The following TNIP1 variants were observed in gnomAD, a reference collection of about 807,000 sequenced individuals.
TNIP1 encodes TNFAIP3-interacting protein 1.
In TNIP1, 22 loss-of-function variants were observed where a neutral mutation model predicts 86.6. The ratio of observed to expected loss-of-function variants is 0.25; its 90% CI spans 0.18 to 0.36. The LOEUF is 0.36. Ranked by LOEUF, TNIP1 falls within the 10% of genes least tolerant of loss-of-function variation. The probability of loss-of-function intolerance (pLI) is 1.00; values close to 1 mark genes in which losing one functional copy is unlikely to be tolerated. For missense variants in TNIP1, 709 were observed against 820.6 expected (o/e 0.86, Z 1.66); for synonymous variants, 294 against 313.0 (o/e 0.94, Z 0.64).
intron 1 of TNIP1, among the ~76,000 whole-genome samples, chr5:151,069,766 A>C (rs114061495): frequency 6.6e-6 from 1 of 152,194 alleles, no homozygotes; most frequent in Non-Finnish European, 1.5e-5. Flanking sequence ...AGAGAGGTCT[A>C]TTCTAGTGTC....
intron 12 of TNIP1, among the ~76,000 whole-genome samples, chr5:151,037,750 G>A (rs1281082030): frequency 6.6e-6 from 1 of 152,130 alleles, no homozygotes; most frequent in African/African-American, 2.4e-5. Flanking sequence ...CATCGCCCAT[G>A]GGCCTCCCTG....
intron 1 of TNIP1, among the ~76,000 whole-genome samples, chr5:151,066,217 G>A (rs911644904): frequency 6.6e-6 from 1 of 152,218 alleles, no homozygotes; most frequent in Non-Finnish European, 1.5e-5. Context: ...AGCTATTTTA[G>A]CCAAGACCTG....
intron 3 of TNIP1, among the ~76,000 whole-genome samples, 166 bp from the exon 4 acceptor site, chr5:151,062,378 GCCTGC>G (rs1761690424): frequency 1.3e-5 from 2 of 152,178 alleles, no homozygotes; most frequent in Non-Finnish European, 2.9e-5. Flanking sequence ...TGAGAAAATG[GCCTGC>G]CCTGGAGTGA....
intron 4 of TNIP1, among the ~76,000 whole-genome samples, chr5:151,061,748 G>T (rs1030521105): frequency 6.6e-6 from 1 of 152,208 alleles, no homozygotes. Flanking sequence ...CAAGTGCTGG[G>T]ATTATAGGCA....
rs576031137 is a variant in TNIP1, at chr5:151,035,084, G to A, written c.1522-17C>T. 2 of 1,612,178 alleles carry A rather than the reference G, an allele frequency of 1.2e-6. No individual in the cohort carries two copies. Among genetic ancestry groups the A allele is most frequent in the East Asian group, 2.2e-5 (1 of 44,886 alleles). On this transcript the variant is annotated splice_polypyrimidine_tract_variant and intron_variant, in intron 14 of 17. Coordinates refer to ENST00000521591, the MANE Select transcript of TNIP1 (RefSeq NM_006058.5). The stretch of plus-strand genomic sequence containing the variant: ...TGCTTTTAGCTGAGAGAAGAAGGGA[G>A]GGAGAAAAGACTGTCGGCACAGGTG...
chr5:151,069,600 T>A (rs556325108), intron 1 of TNIP1, among the ~76,000 whole-genome samples: 1 of 151,664 alleles, frequency 6.6e-6, no homozygotes, highest in Non-Finnish European at 1.5e-5. Context: ...GAGGGAAAAG[T>A]GTAAGCAAAT....
intron 1 of TNIP1, among the ~76,000 whole-genome samples, chr5:151,086,726 C>G (rs563896714): frequency 6.6e-6 from 1 of 152,368 alleles, no homozygotes; most frequent in African/African-American, 2.4e-5. Flanking sequence ...GCATACCTCC[C>G]TTTTCTTGAG....
chr5:151,071,041 G>A (rs111588808), intron 1 of TNIP1, among the ~76,000 whole-genome samples: 252 of 152,120 alleles, frequency 1.7e-3, no homozygotes, highest in Non-Finnish European at 2.4e-3. Flanking sequence ...TGGGGGGGGC[G>A]CAGTATATGT....
At chr5:151,065,998 T>C (rs911505764) in intron 1 of TNIP1, among the ~76,000 whole-genome samples, 7 of 152,192 alleles carry the variant, frequency 4.6e-5, no homozygotes, top group Non-Finnish European at 8.8e-5. Flanking sequence ...AAGCTCTCTG[T>C]CCATTCACTC....
chr5:151,039,642 T>C (rs1758163118), intron 11 of TNIP1, among the ~76,000 whole-genome samples: 1 of 152,110 alleles, frequency 6.6e-6, no homozygotes, highest in Non-Finnish European at 1.5e-5. Flanking sequence ...TTGTGTGTAA[T>C]CTGCTAGAAA....
intron 4 of TNIP1, 90 bp downstream of exon 4, chr5:151,062,037 T>C: frequency 8.0e-7 from 1 of 1,245,130 alleles, no homozygotes; most frequent in Non-Finnish European, 1.2e-6. Flanking sequence ...TTTCTTGACC[T>C]CAACCCTCTT....
intron 6 of TNIP1, among the ~76,000 whole-genome samples, chr5:151,055,183 A>G (rs980517600): frequency 6.6e-6 from 1 of 152,224 alleles, no homozygotes; most frequent in African/African-American, 2.4e-5. Context: ...TACAACAGAC[A>G]TGGTGCCTGC....
chr5:151,068,438 T>G (rs1185356846), intron 1 of TNIP1, among the ~76,000 whole-genome samples: 1 of 151,896 alleles, frequency 6.6e-6, no homozygotes, highest in Non-Finnish European at 1.5e-5. Flanking sequence ...GGGAGAGAGA[T>G]GCACCCAGAA....
chr5:151,055,078 G>A (rs1410059909), intron 6 of TNIP1, among the ~76,000 whole-genome samples: 3 of 152,198 alleles, frequency 2.0e-5, no homozygotes, highest in African/African-American at 4.8e-5. Flanking sequence ...AAGGTGCTAC[G>A]AGAGCTATGA....
At chr5:151,042,193 G>A (rs944917189) in intron 11 of TNIP1, among the ~76,000 whole-genome samples, 3 of 151,952 alleles carry the variant, frequency 2.0e-5, no homozygotes, top group African/African-American at 7.3e-5. Context: ...CACCCGTCTC[G>A]GCCTCCCCAG....
chr5:151,031,345 T>C (rs896745065), intron 17 of TNIP1, among the ~76,000 whole-genome samples: 13 of 152,208 alleles, frequency 8.5e-5, no homozygotes, highest in African/African-American at 3.1e-4. Flanking sequence ...CATGTTGCGA[T>C]GGACTTGGCC....
At chr5:151,032,834 A>G (rs1757076836) in intron 16 of TNIP1, 1 of 191,990 alleles carries the variant, frequency 5.2e-6, no homozygotes, top group South Asian at 8.5e-5. Context: ...AATGATAAGA[A>G]GGGAAAAGAG....
At chr5:151,049,991 TTAAGAAACC>T (rs754033722) in intron 7 of TNIP1, 44 bp from the exon 8 acceptor site, 1 of 1,612,182 alleles carries the variant, frequency 6.2e-7, no homozygotes, top group South Asian at 1.1e-5. Context: ...TGACCCTGAG[TTAAGAAACC>T]TACAGGGCTC....
At chr5:151,036,467 T>A (rs1322306756) in intron 13 of TNIP1, among the ~76,000 whole-genome samples, 1 of 152,242 alleles carries the variant, frequency 6.6e-6, no homozygotes, top group African/African-American at 2.4e-5. Flanking sequence ...TGACAAATAA[T>A]AAATGGTTTT....
Sources: allele counts gnomAD v4.1 joint callset (sites outside exome capture counted in the v4.1 genomes callset), GRCh38; gene constraint gnomAD v4.1.1; transcripts MANE v1.5; gene names NCBI Gene and HGNC (gene_info 2026-07-23, HGNC 2026-07-21).